The following PTGFR variants were observed in gnomAD, a reference collection of about 807,000 sequenced individuals.
PTGFR encodes the protein prostaglandin F2-alpha receptor.
Under a neutral mutation model 26.2 loss-of-function variants are expected in PTGFR, and 15 were observed. The observed-to-expected ratio is 0.57, with a 90% CI of 0.38 to 0.88. The LOEUF (loss-of-function observed/expected upper bound fraction) is 0.88. Ranked by LOEUF, PTGFR falls within the 40% of genes least tolerant of loss-of-function variation. The pLI is 0.00. For missense variants in PTGFR, 369 were observed against 427.2 expected (o/e 0.86, Z 1.20); for synonymous variants, 165 against 151.1 (o/e 1.09, Z -0.68).
chr1:78,502,635 G>T (rs1649737243), intron 2 of PTGFR, among the ~76,000 whole-genome samples: 1 of 152,046 alleles, frequency 6.6e-6, no homozygotes, highest in African/African-American at 2.4e-5. Context: ...TCAATGAGAT[G>T]ATCAAAGACA....
chr1:78,536,234 ATTT>A (rs1650649377), intron 2 of PTGFR, among the ~76,000 whole-genome samples, 169 bp from the exon 3 acceptor site: 2 of 152,098 alleles, frequency 1.3e-5, no homozygotes, highest in African/African-American at 4.8e-5. Context: ...AAAATGATTC[ATTT>A]GTCTCCATCA....
chr1:78,516,789 T>A (rs1333087500), intron 2 of PTGFR, among the ~76,000 whole-genome samples: 2 of 152,138 alleles, frequency 1.3e-5, no homozygotes, highest in Non-Finnish European at 2.9e-5. Flanking sequence ...TCTCCTATTC[T>A]GTCATTGAAA....
intron 2 of PTGFR, chr1:78,498,047 A>G (rs1204374735): frequency 1.1e-6 from 1 of 907,114 alleles, no homozygotes; most frequent in Admixed American, 2.7e-5. Context: ...ATAGTTAAAC[A>G]TTGTTTGGTC....
At chr1:78,511,388 C>T (rs1385148413) in intron 2 of PTGFR, among the ~76,000 whole-genome samples, 4 of 152,334 alleles carry the variant, frequency 2.6e-5, no homozygotes, top group African/African-American at 9.6e-5. Context: ...AGGTTTAATA[C>T]CATGTGGAAA....
chr1:78,493,830 T>C (rs997120546), intron 2 of PTGFR, among the ~76,000 whole-genome samples: 1 of 152,246 alleles, frequency 6.6e-6, no homozygotes, highest in Middle Eastern at 3.2e-3. Context: ...TGAATATGAT[T>C]ATTTCTAAAA....
In PTGFR at chr1:78,539,150, C is replaced by G. The variant is rs1000901412; in HGVS notation, c.*2463C>G. Reference sequence around the variant, plus strand: ...GGTTAACTAGGTGAAAGAAATGGGCCCTTATTTTTTTTTTTCCCTAGAGGC... The same window carrying G: ...GGTTAACTAGGTGAAAGAAATGGGCGCTTATTTTTTTTTTTCCCTAGAGGC... On this transcript the variant is annotated 3_prime_UTR_variant, in exon 3 of 3. Coordinates refer to ENST00000370757, the MANE Select transcript of PTGFR (RefSeq NM_000959.4). 5.3e-5 allele frequency: 8 copies of G among 151,522 alleles called. No individual in the cohort carries two copies. Among genetic ancestry groups the G allele is most frequent in the African/African-American group, 1.9e-4 (8 of 41,254 alleles). 9.4% of individuals were successfully genotyped at this position (151,522 alleles called of 1,614,324 possible).
chr1:78,520,820 AG>A (rs1415334608), intron 2 of PTGFR, among the ~76,000 whole-genome samples: 1 of 152,062 alleles, frequency 6.6e-6, no homozygotes, highest in Non-Finnish European at 1.5e-5. Context: ...CTTGTTAGGT[AG>A]GTAGGTATAT....
At chr1:78,496,801 T>TA (rs1649563504) in intron 2 of PTGFR, among the ~76,000 whole-genome samples, 1 of 152,208 alleles carries the variant, frequency 6.6e-6, no homozygotes, top group Non-Finnish European at 1.5e-5. Context: ...CTCATGTTAA[T>TA]AGACTCTATT....
intron 2 of PTGFR, among the ~76,000 whole-genome samples, chr1:78,504,788 C>T (rs2100361924): frequency 6.6e-6 from 1 of 152,134 alleles, no homozygotes; most frequent in African/African-American, 2.4e-5. Flanking sequence ...GCCAGTTGTC[C>T]TCAAATTATT....
chr1:78,531,875 A>G lies in PTGFR; in HGVS notation c.799-4531A>G, dbSNP rs185353512. ...TACCCTCAAGACACAAGGGACTATT[A>G]TACATATACTGACATTATCTCATTT... On this transcript the variant is annotated intron_variant, in intron 2 of 2. Transcript: ENST00000370757. 7.9e-5 allele frequency among the ~76,000 whole-genome samples: 12 copies of G among 152,266 alleles called. No homozygotes were observed. In the East Asian group the frequency reaches 2.3e-3, roughly 29 times the overall value.
At chr1:78,535,288 A>C (rs1650618881) in intron 2 of PTGFR, among the ~76,000 whole-genome samples, 1 of 152,010 alleles carries the variant, frequency 6.6e-6, no homozygotes, top group Admixed American at 6.6e-5. Context: ...TTTGCAGGGG[A>C]GATGAGAGAG....
In PTGFR at chr1:78,493,071, A is replaced by G. The variant is rs755367220; in HGVS notation, c.328A>G (p.Ile110Val). 6.2e-7 allele frequency: 1 copy of G among 1,614,198 alleles called. No homozygotes were observed. Among genetic ancestry groups the G allele is most frequent in the Non-Finnish European group, 8.5e-7 (1 of 1,180,030 alleles). Residue 110 changes from isoleucine (I) to valine (V), a missense_variant, in exon 2 of 3, where the codon ATT (isoleucine) becomes GTT (valine). Coordinates refer to ENST00000370757, the MANE Select transcript of PTGFR (RefSeq NM_000959.4). ...TGACCAATCAAATGTCCTTTGCAGT[A>G]TTTTTGGTATCTGCATGGTGTTTTC... is the stretch of plus-strand genomic sequence containing the variant. ...RFDQSNVLCS[I>V]FGICMVFSGL...
At chr1:78,529,260 C>A (rs995370264) in intron 2 of PTGFR, among the ~76,000 whole-genome samples, 2 of 152,100 alleles carry the variant, frequency 1.3e-5, no homozygotes, top group African/African-American at 4.8e-5. Flanking sequence ...AATAAAGTAG[C>A]CTTTTATTCC....
rs3766352 is a variant in PTGFR, at chr1:78,495,635, T to G, written c.798+2094T>G. Among the ~76,000 whole-genome samples, 6 of 152,330 alleles carry G rather than the reference T, an allele frequency of 3.9e-5. No individual in the cohort carries two copies. In the East Asian group the frequency reaches 1.2e-3, roughly 29 times the overall value. On this transcript the variant is annotated intron_variant, in intron 2 of 2. Transcript: ENST00000370757. ...AACTGAGGTAATCACTTGTATTTTG[T>G]TTTTTGTTTATTCTGAGGCATCTTA...
chr1:78,538,706 C>T lies in PTGFR; in HGVS notation c.*2019C>T, dbSNP rs978004767. 21 of 152,012 alleles carry T rather than the reference C, an allele frequency of 1.4e-4. No individual in the cohort carries two copies. Among genetic ancestry groups the T allele is most frequent in the African/African-American group, 4.8e-4 (20 of 41,416 alleles). 9.4% of individuals were successfully genotyped at this position (152,012 alleles called of 1,614,324 possible). ...CTGTGTAATGAATAATAGACTGGAA[C>T]ATCTACCAATAACTTTCACATAAAT... is the stretch of plus-strand genomic sequence containing the variant. On this transcript the variant is annotated 3_prime_UTR_variant, in exon 3 of 3. Transcript: ENST00000370757.
At chr1:78,495,469 G>A (rs1476416173) in intron 2 of PTGFR, among the ~76,000 whole-genome samples, 1 of 152,150 alleles carries the variant, frequency 6.6e-6, no homozygotes. Context: ...TTTGGGGTTG[G>A]TGAAAGAAAT....
At chr1:78,492,218 C>T (rs986737302) in intron 1 of PTGFR, among the ~76,000 whole-genome samples, 1 of 152,204 alleles carries the variant, frequency 6.6e-6, no homozygotes, top group African/African-American at 2.4e-5. Context: ...GCCTGACAAG[C>T]AGGTCGTTTA....
intron 2 of PTGFR, among the ~76,000 whole-genome samples, chr1:78,512,256 T>C (rs1280892351): frequency 1.3e-5 from 2 of 152,194 alleles, no homozygotes; most frequent in African/African-American, 2.4e-5. Context: ...ACTCCGCTCA[T>C]GGTATGAATT....
intron 2 of PTGFR, among the ~76,000 whole-genome samples, chr1:78,528,795 A>G (rs920423732): frequency 1.3e-5 from 2 of 152,142 alleles, no homozygotes; most frequent in African/African-American, 4.8e-5. Context: ...ATTTTAATAC[A>G]TAGTTAGATG....
Sources: allele counts gnomAD v4.1 joint callset (sites outside exome capture counted in the v4.1 genomes callset), GRCh38; gene constraint gnomAD v4.1.1; transcripts MANE v1.5; gene names NCBI Gene and HGNC (gene_info 2026-07-23, HGNC 2026-07-21).